MYO7B: variants seen among roughly 807,000 people sequenced by gnomAD.
The protein encoded by MYO7B is unconventional myosin-VIIb.
In MYO7B, 212 loss-of-function variants were observed where a neutral mutation model predicts 259.7. That is an observed-to-expected ratio of 0.82 (90% CI 0.73 to 0.91). The LOEUF (loss-of-function observed/expected upper bound fraction) is 0.91. MYO7B is among the 40% of genes least tolerant of loss of function. The pLI is 0.00. For missense variants in MYO7B, 2,732 were observed against 2,813.5 expected (o/e 0.97, Z 0.66); for synonymous variants, 1,197 against 1,166.4 (o/e 1.03, Z -0.54).
chr2:127,637,028 C>T, intron 47 of MYO7B, 115 bp downstream of exon 47: 2 of 1,502,606 alleles, frequency 1.3e-6, no homozygotes, highest in East Asian at 2.4e-5. Flanking sequence ...TCACAGGGCC[C>T]AGGCGGGGCC....
intron 19 of MYO7B, among the ~76,000 whole-genome samples, chr2:127,603,485 T>C (rs1680039114): frequency 6.6e-6 from 1 of 152,230 alleles, no homozygotes; most frequent in Non-Finnish European, 1.5e-5. Context: ...GAATTGTCAA[T>C]GAGCAGTAAT....
In MYO7B at chr2:127,614,747, C is replaced by T. The variant is rs1427258874; in HGVS notation, c.3398+2144C>T. On this transcript the variant is annotated intron_variant, in intron 26 of 47. Coordinates refer to ENST00000409816, the MANE Select transcript of MYO7B (RefSeq NM_001393586.1). This position sits in a 1 kb window ranked among gnomAD's most constrained non-coding sequence, Gnocchi z 4.6. ...AAATGGGCCACAGATCTCTCTATCC[C>T]CATGAAGTCCCTTCCAGGAATCACA... 2.0e-5 allele frequency among the ~76,000 whole-genome samples: 3 copies of T among 152,140 alleles called. No individual in the cohort carries two copies. In the South Asian group the frequency reaches 6.2e-4, roughly 32 times the overall value.
intron 34 of MYO7B, among the ~76,000 whole-genome samples, chr2:127,629,173 G>A (rs998894711): frequency 1.7e-4 from 26 of 152,210 alleles, no homozygotes; most frequent in African/African-American, 6.3e-4. Flanking sequence ...CTGTGTGTGG[G>A]GTCTTTGGGC....
In MYO7B at chr2:127,618,430, G is replaced by A. The variant is rs1241122052; in HGVS notation, c.3399-1910G>A. 2.6e-5 allele frequency among the ~76,000 whole-genome samples: 4 copies of A among 152,118 alleles called. No individual in the cohort carries two copies. The South Asian group carries it at 8.3e-4, about 32-fold the overall frequency. On this transcript the variant is annotated intron_variant, in intron 26 of 47. Transcript: ENST00000409816. ...AGCAGGGAGGAGGAGGTAACGATTG[G>A]TCAGCTGCTTAACTGATCACAGGTT...
intron 1 of MYO7B, among the ~76,000 whole-genome samples, chr2:127,536,561 C>T (rs1692788959): frequency 6.6e-6 from 1 of 152,000 alleles, no homozygotes; most frequent in Non-Finnish European, 1.5e-5. Flanking sequence ...TGGTGTGTGT[C>T]CCATCCCCAT....
chr2:127,555,865 C>G (rs1693614824), intron 1 of MYO7B, among the ~76,000 whole-genome samples: 2 of 152,130 alleles, frequency 1.3e-5, no homozygotes, highest in South Asian at 4.1e-4. Context: ...ATAGAATGTA[C>G]ATTCTGTGGT....
rs547353108 is a variant in MYO7B at position 127,628,954 on chromosome 2, G to C, written c.4624+419G>C. 2.0e-5 allele frequency among the ~76,000 whole-genome samples: 3 copies of C among 152,356 alleles called. No individual in the cohort carries two copies. Among genetic ancestry groups the C allele is most frequent in the South Asian group, 4.1e-4 (2 of 4,830 alleles). The stretch of plus-strand genomic sequence containing the variant: ...CTCACCCAGGGTCACACAGCTCAAG[G>C]GGGTGGGAGCCTAGTTCTTGGCCAC... On this transcript the variant is annotated intron_variant, in intron 34 of 47. Coordinates refer to ENST00000409816, the MANE Select transcript of MYO7B (RefSeq NM_001393586.1). This position sits in a 1 kb window ranked among gnomAD's most constrained non-coding sequence, Gnocchi z 4.8.
rs1681866423 is a variant in MYO7B, at chr2:127,636,993, C to T, written c.6327+80C>T. The T allele has an allele frequency of 2.5e-6, 4 of 1,576,056 alleles. No homozygotes were observed. The highest frequency in any genetic ancestry group is 3.4e-6 in the Non-Finnish European group (4 of 1,167,546). ...CTGGGTTCCCCACCCTCACCCCTTT[C>T]AAGTGGCTCACTAAGAGGGCTCAGT... On this transcript the variant is annotated intron_variant, in intron 47 of 47. Coordinates refer to ENST00000409816, the MANE Select transcript of MYO7B (RefSeq NM_001393586.1). This position sits in a 1 kb window ranked among gnomAD's most constrained non-coding sequence, Gnocchi z 4.5.
rs905287165 is a variant in MYO7B at position 127,609,373 on chromosome 2, G to T, written c.2815-133G>T. On this transcript the variant is annotated intron_variant, in intron 22 of 47. Transcript: ENST00000409816. The surrounding 1 kb of genome is among the most constrained non-coding windows in gnomAD (Gnocchi z 6.9). ...CCTGAGCCCACTGAATGTGGGGATG[G>T]GTGGTCTCCAGCACCTGAGGGATCA... 2.6e-6 allele frequency: 2 copies of T among 781,086 alleles called. No individual in the cohort carries two copies. Among genetic ancestry groups the T allele is most frequent in the Non-Finnish European group, 4.2e-6 (2 of 476,004 alleles). 48.4% of individuals were successfully genotyped at this position (781,086 alleles called of 1,614,324 possible).
intron 42 of MYO7B, 71 bp from the exon 43 acceptor site, chr2:127,635,049 G>C: frequency 3.2e-6 from 4 of 1,261,454 alleles, no homozygotes; most frequent in Non-Finnish European, 4.5e-6. Flanking sequence ...CGCAGTGTGG[G>C]GGGTGGCAGG....
Position 127,586,873 on chromosome 2 carries a change from C to G in MYO7B, c.1691-1519C>G, listed in dbSNP as rs1679325626. Among the ~76,000 whole-genome samples the G allele has an allele frequency of 6.6e-6, 1 of 152,108 alleles. No individual in the cohort carries two copies. The highest frequency in any genetic ancestry group is 1.5e-5 in the Non-Finnish European group (1 of 67,998). On this transcript the variant is annotated intron_variant, in intron 14 of 47. Coordinates refer to ENST00000409816, the MANE Select transcript of MYO7B (RefSeq NM_001393586.1). This position sits in a 1 kb window ranked among gnomAD's most constrained non-coding sequence, Gnocchi z 4.8. The stretch of plus-strand genomic sequence containing the variant: ...CCCCACCCTTAAAACATCCAGGGAG[C>G]TCCCTGCCCCTGGTGGGGAGCTCTG...
chr2:127,580,862 G>A (rs372220879), intron 10 of MYO7B, 40 bp downstream of exon 10: 3 of 1,571,150 alleles, frequency 1.9e-6, no homozygotes, highest in Non-Finnish European at 2.6e-6. Context: ...TTGGTGGGGG[G>A]CCTCAGAGGC....
Position 127,576,994 on chromosome 2 carries a change from G to A in MYO7B, c.849+286G>A, listed in dbSNP as rs1359865812. Among the ~76,000 whole-genome samples the A allele has an allele frequency of 2.0e-5, 3 of 151,888 alleles. No homozygotes were observed. The highest frequency in any genetic ancestry group is 7.3e-5 in the African/African-American group (3 of 41,334). On this transcript the variant is annotated intron_variant, in intron 8 of 47. Transcript: ENST00000409816. The surrounding 1 kb of genome is among the most constrained non-coding windows in gnomAD (Gnocchi z 4.9). ...CCCCACTGGATGACAGGCTCCCGGT[G>A]CCCAGTGGGCCACAGGGAGTTGCCC...
intron 14 of MYO7B, among the ~76,000 whole-genome samples, chr2:127,588,071 C>T (rs1264595031): frequency 1.3e-5 from 2 of 152,182 alleles, no homozygotes; most frequent in African/African-American, 2.4e-5. Context: ...CTGGAGGCTG[C>T]ATCTGTTTTT....
intron 38 of MYO7B, 82 bp from the exon 39 acceptor site, chr2:127,632,164 C>A: frequency 1.3e-6 from 2 of 1,485,518 alleles, no homozygotes; most frequent in Non-Finnish European, 1.8e-6. Flanking sequence ...GCAGCTCTCA[C>A]ATCCGTCCCT....
At chr2:127,610,057 AC>A (rs766663804) in intron 24 of MYO7B, 41 bp downstream of exon 24, 1 of 1,594,422 alleles carries the variant, frequency 6.3e-7, no homozygotes, top group Non-Finnish European at 8.5e-7. Context: ...GGCGACACCT[AC>A]CAGGTGCCTA....
At chr2:127,569,665 C>A in intron 5 of MYO7B, 124 bp from the exon 6 acceptor site, 2 of 1,263,622 alleles carry the variant, frequency 1.6e-6, no homozygotes, top group Non-Finnish European at 2.2e-6. Context: ...GGGATTTCTG[C>A]AGGGGAGAGG....
rs776578827 is a variant in MYO7B, at chr2:127,627,332, C to G, written c.4460+22C>G. 1 of 1,611,394 alleles carries G rather than the reference C, an allele frequency of 6.2e-7. No individual in the cohort carries two copies. On this transcript the variant is annotated intron_variant, in intron 33 of 47. Coordinates refer to ENST00000409816, the MANE Select transcript of MYO7B (RefSeq NM_001393586.1). The surrounding 1 kb of genome is among the most constrained non-coding windows in gnomAD (Gnocchi z 5.6). ...ACAGGTGCGGGCCCTGAGGGAAGAT[C>G]TCTTCTTACACACTGAGTCCTTGTG...
At position 127,596,518 on chromosome 2, in the gene MYO7B, G is replaced by T; in HGVS notation, c.2301G>T (p.Ala767=). ...VQRSQVLDRA[A]LSIQKVLRGY... ...GAAGCCAGGTGCTAGACAGAGCGGC[G>T]CTCAGCATCCAGAAAGTCCTTCGGG... The change falls in exon 19 of 48, where the codon GCG becomes GCT. Residue 767 remains alanine, a synonymous_variant. Transcript: ENST00000409816. 1 of 1,613,572 alleles carries T rather than the reference G, an allele frequency of 6.2e-7. No homozygotes were observed. Among genetic ancestry groups the T allele is most frequent in the Non-Finnish European group, 8.5e-7 (1 of 1,179,758 alleles).
Sources: allele counts gnomAD v4.1 joint callset (sites outside exome capture counted in the v4.1 genomes callset), GRCh38; gene constraint gnomAD v4.1.1; non-coding constraint Gnocchi (gnomAD v3.1); transcripts MANE v1.5; gene names NCBI Gene and HGNC (gene_info 2026-07-23, HGNC 2026-07-21).